The following ANKRD42 variants were observed in gnomAD, a reference collection of about 807,000 sequenced individuals.
The protein encoded by ANKRD42 is ankyrin repeat domain 42, also known as ankyrin repeat domain-containing protein 42.
Under a neutral mutation model 51.5 loss-of-function variants are expected in ANKRD42, and 43 were observed. That is an observed-to-expected ratio of 0.83 (90% CI 0.65 to 1.08). The LOEUF (loss-of-function observed/expected upper bound fraction) is 1.08. ANKRD42 is among the 50% of genes least tolerant of loss of function. The pLI is 0.00. For synonymous variants in ANKRD42, 203 were observed against 213.0 expected, an observed-to-expected ratio of 0.95 and a Z score of 0.41; for missense variants, 608 against 629.3, an observed-to-expected ratio of 0.97 and a Z score of 0.36.
intron 5 of ANKRD42, chr11:83,212,811 C>A (rs1035709805): frequency 4.1e-6 from 6 of 1,468,828 alleles, no homozygotes; most frequent in Non-Finnish European, 4.5e-6. Context: ...TTTCAGTGTT[C>A]ATTTAGTGAA....
At chr11:83,200,257 T>C (rs1044992080) in intron 2 of ANKRD42, among the ~76,000 whole-genome samples, 2 of 152,226 alleles carry the variant, frequency 1.3e-5, no homozygotes, top group African/African-American at 4.8e-5. Context: ...TCCTATTGTG[T>C]AATTGTAGTA....
chr11:83,243,895 A>C (rs1202597563), intron 9 of ANKRD42, among the ~76,000 whole-genome samples: 1 of 142,352 alleles, frequency 7.0e-6, no homozygotes, highest in Non-Finnish European at 1.5e-5. Context: ...CTATCTCCTG[A>C]CCTCGTGATC....
At chr11:83,235,633 T>G (rs943931813) in intron 7 of ANKRD42, among the ~76,000 whole-genome samples, 6 of 152,232 alleles carry the variant, frequency 3.9e-5, no homozygotes, top group African/African-American at 1.4e-4. Flanking sequence ...TCACATCTTA[T>G]TGTTTAATAG....
intron 5 of ANKRD42, chr11:83,213,022 C>T (rs1373324165): frequency 6.3e-7 from 1 of 1,599,718 alleles, no homozygotes; most frequent in African/African-American, 1.3e-5. Context: ...CCCTCAGACC[C>T]CTTGTGAAGC....
At position 83,224,786 on chromosome 11, in the gene ANKRD42, A is replaced by AATAC. The variant is rs555183831; in HGVS notation, c.587-53_587-50dup. The AATAC allele has an allele frequency of 2.5e-4, 313 of 1,257,476 alleles. 2 individuals are homozygous for AATAC. In the African/African-American group the frequency reaches 3.3e-3, roughly 13 times the overall value. The allele number at this position is 1,257,476 out of a possible 1,614,324, so 77.9% of individuals were successfully genotyped here. On this transcript the variant is annotated intron_variant, in intron 5 of 10. Transcript: ENST00000533342. ...GTTACAGAGCAAGATCTTGTCTCTA[A>AATAC]ATACATACATACATACATAAAAATT...
At chr11:83,216,449 C>T (rs866398039) in intron 5 of ANKRD42, among the ~76,000 whole-genome samples, 9 of 152,114 alleles carry the variant, frequency 5.9e-5, no homozygotes, top group Admixed American at 2.0e-4. Context: ...CTCAGCCTCC[C>T]GAGTAGCTGG....
At chr11:83,214,543 C>T in intron 5 of ANKRD42, 3 of 982,870 alleles carry the variant, frequency 3.1e-6, no homozygotes, top group Non-Finnish European at 3.6e-6. Flanking sequence ...AAGAATGTGG[C>T]CTTAGGTCTA....
chr11:83,217,244 T>G (rs1379864673), intron 5 of ANKRD42, among the ~76,000 whole-genome samples: 3 of 152,324 alleles, frequency 2.0e-5, no homozygotes, highest in African/African-American at 7.2e-5. Flanking sequence ...ATGTTCAAGC[T>G]CCTTTTTCCT....
Position 83,211,389 on chromosome 11 carries a change from G to A in ANKRD42, c.545G>A (p.Gly182Asp). 1 of 1,614,170 alleles carries A rather than the reference G, an allele frequency of 6.2e-7. No individual in the cohort carries two copies. The highest frequency in any genetic ancestry group is 8.5e-7 in the Non-Finnish European group (1 of 1,180,014). The change falls in exon 5 of 11, where the codon GGT (glycine) becomes GAT (aspartate). Residue 182 changes from glycine to aspartate, a missense_variant. Physicochemically the swap from Gly to Asp is moderately conservative, Grantham distance 94. Coordinates refer to ENST00000533342, the MANE Select transcript of ANKRD42 (RefSeq NM_001300975.2). ...LGCLQLLVKW[G>D]CSIEDVDYNG... ...TGCTTGCAACTTCTTGTTAAATGGG[G>A]TTGTAGCATAGAAGATGTGGACTAC...
intron 6 of ANKRD42, 85 bp from the exon 7 acceptor site, chr11:83,227,662 T>C: frequency 7.0e-7 from 1 of 1,428,480 alleles, no homozygotes; most frequent in Non-Finnish European, 9.4e-7. Flanking sequence ...GAGAAAATAT[T>C]GAAACCTGAA....
intron 6 of ANKRD42, among the ~76,000 whole-genome samples, chr11:83,227,301 C>T (rs1170729773): frequency 1.3e-5 from 2 of 151,848 alleles, no homozygotes; most frequent in African/African-American, 4.8e-5. Context: ...TTAGTAGAGA[C>T]AGGGTTTCAC....
chr11:83,234,948 C>T (rs1222083346), intron 7 of ANKRD42, among the ~76,000 whole-genome samples: 1 of 152,138 alleles, frequency 6.6e-6, no homozygotes, highest in South Asian at 2.1e-4. Flanking sequence ...GTTGTTTAGT[C>T]CCTTGATATT....
rs1861534976 is a variant in ANKRD42 at position 83,194,280 on chromosome 11, T to C, written c.-391T>C. The C allele has an allele frequency of 2.1e-6, 1 of 478,988 alleles. No individual in the cohort carries two copies. 29.7% of individuals were successfully genotyped at this position (478,988 alleles called of 1,614,324 possible). On this transcript the variant is annotated 5_prime_UTR_variant, in exon 1 of 11. Coordinates refer to ENST00000533342, the MANE Select transcript of ANKRD42 (RefSeq NM_001300975.2). ...TCAGTGACATTCGGGACCCGCGAACTAGTGACTTCGGGGATAGAGTCAGTG... is the reference window on the plus strand; with the variant it reads ...TCAGTGACATTCGGGACCCGCGAACCAGTGACTTCGGGGATAGAGTCAGTG...
At chr11:83,203,614 A>G (rs1861955330) in intron 2 of ANKRD42, among the ~76,000 whole-genome samples, 1 of 151,912 alleles carries the variant, frequency 6.6e-6, no homozygotes, top group African/African-American at 2.4e-5. Flanking sequence ...GGCTCGTCTC[A>G]AACTCCTGAC....
At chr11:83,212,869 TTTG>T in intron 5 of ANKRD42, 7 of 1,431,262 alleles carry the variant, frequency 4.9e-6, no homozygotes, top group Non-Finnish European at 6.4e-6. Context: ...GAAAATTTAT[TTTG>T]TTCTCATTCT....
At chr11:83,213,663 C>A in intron 5 of ANKRD42, 1 of 765,592 alleles carries the variant, frequency 1.3e-6, no homozygotes, top group Non-Finnish European at 1.7e-6. Context: ...CGTTTAAAGG[C>A]TATTTGGTTT....
At chr11:83,205,919 G>A (rs887804879) in intron 2 of ANKRD42, 139 bp from the exon 3 acceptor site, 1 of 666,592 alleles carries the variant, frequency 1.5e-6, no homozygotes, top group South Asian at 1.9e-5. Context: ...CCATGTCACT[G>A]TGCTTGTGCT....
Position 83,248,235 on chromosome 11 carries a change from T to A in ANKRD42, c.*31T>A. 2 of 1,463,484 alleles carry A rather than the reference T, an allele frequency of 1.4e-6. No individual in the cohort carries two copies. The highest frequency in any genetic ancestry group is 1.8e-6 in the Non-Finnish European group (2 of 1,111,686). The allele number at this position is 1,463,484 out of a possible 1,614,324, so 90.7% of individuals were successfully genotyped here. A position where few individuals can be genotyped will look rare whatever the true frequency, so the allele number is the denominator to read the frequency against. On this transcript the variant is annotated 3_prime_UTR_variant, in exon 11 of 11. Coordinates refer to ENST00000533342, the MANE Select transcript of ANKRD42 (RefSeq NM_001300975.2). ...GCTACTCATTTAACCTTTTTGTGCCTCAACTATAAACTGGAGATGATAACT... is the reference window on the plus strand; with the variant it reads ...GCTACTCATTTAACCTTTTTGTGCCACAACTATAAACTGGAGATGATAACT...
At chr11:83,227,995 C>T (rs1271338092) in intron 7 of ANKRD42, 123 bp downstream of exon 7, 5 of 1,137,262 alleles carry the variant, frequency 4.4e-6, no homozygotes, top group Admixed American at 5.4e-5. Context: ...TAGCAGATAT[C>T]AGTCTATCTT....
Sources: gnomAD v4.1 joint callset for allele counts (sites outside exome capture counted in the v4.1 genomes callset) on GRCh38, gnomAD v4.1.1 for gene constraint, MANE v1.5 for transcripts, NCBI Gene and HGNC (gene_info 2026-07-23, HGNC 2026-07-21) for gene names.